TOP1: variants seen among roughly 807,000 people sequenced by gnomAD.
The protein encoded by TOP1 is DNA topoisomerase 1.
TOP1 carries 10 observed loss-of-function variants against 111.1 expected under a neutral mutation model. That is an observed-to-expected ratio of 0.09 (90% CI 0.06 to 0.15). The LOEUF (loss-of-function observed/expected upper bound fraction) is 0.15. Ranked by LOEUF, TOP1 falls within the 10% of genes least tolerant of loss-of-function variation. The pLI is 1.00. For missense variants in TOP1, 474 were observed against 926.7 expected (o/e 0.51, Z 6.34); for synonymous variants, 271 against 302.9 (o/e 0.89, Z 1.10).
At chr20:41,050,234 T>C (rs991885481) in intron 2 of TOP1, among the ~76,000 whole-genome samples, 7 of 152,202 alleles carry the variant, frequency 4.6e-5, no homozygotes, top group Non-Finnish European at 1.0e-4. Context: ...GTCAGGCTGG[T>C]CTTGAACTCC....
intron 3 of TOP1, among the ~76,000 whole-genome samples, chr20:41,064,236 T>G (rs55804152): frequency 0.062 from 9,429 of 152,242 alleles, 969 homozygotes; most frequent in African/African-American, 0.22. Flanking sequence ...TGTGGTTTTA[T>G]TTCTGGGTTC....
At position 41,029,200 on chromosome 20, in the gene TOP1, CA is replaced by C; in HGVS notation, c.33+101del. On this transcript the variant is annotated intron_variant, in intron 1 of 20. Transcript: ENST00000361337. This position sits in a 1 kb window ranked among gnomAD's most constrained non-coding sequence, Gnocchi z 6.1. ...CCCAGCCCCGGCCCGGCAGCTTTGACAGGCCGGAGCCCCCGGTGAGGGGCCG... is the reference window on the plus strand; with the variant it reads ...CCCAGCCCCGGCCCGGCAGCTTTGACGGCCGGAGCCCCCGGTGAGGGGCCG... The C allele has an allele frequency of 2.0e-6, 2 of 1,001,888 alleles. No homozygotes were observed. Among genetic ancestry groups the C allele is most frequent in the Non-Finnish European group, 2.7e-6 (2 of 743,660 alleles). 62.1% of individuals were successfully genotyped at this position (1,001,888 alleles called of 1,614,324 possible).
At chr20:41,056,074 G>A (rs1328527447) in intron 2 of TOP1, among the ~76,000 whole-genome samples, 2 of 152,134 alleles carry the variant, frequency 1.3e-5, no homozygotes, top group East Asian at 1.9e-4. Flanking sequence ...GTCTATCCCC[G>A]TATCCCTTGG....
intron 3 of TOP1, among the ~76,000 whole-genome samples, chr20:41,065,000 G>A (rs1047719442): frequency 6.6e-6 from 1 of 152,038 alleles, no homozygotes; most frequent in Admixed American, 6.6e-5. Flanking sequence ...CACCTCCCAG[G>A]TTCAAGTGAT....
chr20:41,042,333 T>C (rs2033277703), intron 2 of TOP1, among the ~76,000 whole-genome samples: 1 of 152,262 alleles, frequency 6.6e-6, no homozygotes, highest in Non-Finnish European at 1.5e-5. Context: ...ATAGCAGATA[T>C]AGTTAACTGC....
intron 5 of TOP1, 73 bp downstream of exon 5, chr20:41,077,710 T>G: frequency 6.9e-7 from 1 of 1,442,740 alleles, no homozygotes; most frequent in Non-Finnish European, 9.7e-7. Flanking sequence ...GTTGTAGTGT[T>G]GTCTGAGTTA....
In TOP1 at chr20:41,067,019, A is replaced by T. The variant is rs2033616771; in HGVS notation, c.155+5529A>T. 6.6e-6 allele frequency among the ~76,000 whole-genome samples: 1 copy of T among 152,204 alleles called. No homozygotes were observed. The highest frequency in any genetic ancestry group is 2.1e-4 in the South Asian group (1 of 4,832). Reference sequence around the variant, plus strand: ...TAAATTTTAACAGTTTAATCAGATGATCTGTTGTAAGCAAACTTTTAAGTA... The same window carrying T: ...TAAATTTTAACAGTTTAATCAGATGTTCTGTTGTAAGCAAACTTTTAAGTA... On this transcript the variant is annotated intron_variant, in intron 3 of 20. Coordinates refer to ENST00000361337, the MANE Select transcript of TOP1 (RefSeq NM_003286.4). The surrounding 1 kb of genome is among the most constrained non-coding windows in gnomAD (Gnocchi z 4.0).
Position 41,078,335 on chromosome 20 carries a change from A to T in TOP1, c.335+698A>T, listed in dbSNP as rs1198678555. ...GAAACAACTAGATGTTTATTGTTAC[A>T]TATTCTCACTTCACTGAATGACAGA... On this transcript the variant is annotated intron_variant, in intron 5 of 20. Coordinates refer to ENST00000361337, the MANE Select transcript of TOP1 (RefSeq NM_003286.4). The surrounding 1 kb of genome is among the most constrained non-coding windows in gnomAD (Gnocchi z 5.3). Among the ~76,000 whole-genome samples, 1 of 152,210 alleles carries T rather than the reference A, an allele frequency of 6.6e-6. No homozygotes were observed. The highest frequency in any genetic ancestry group is 2.4e-5 in the African/African-American group (1 of 41,466).
chr20:41,056,390 A>G (rs758677923), intron 2 of TOP1, among the ~76,000 whole-genome samples: 1 of 152,240 alleles, frequency 6.6e-6, no homozygotes, highest in Non-Finnish European at 1.5e-5. Context: ...GAGTAAATTT[A>G]TATAATACAA....
Position 41,114,170 on chromosome 20 carries a change from C to T in TOP1, c.1638+15C>T, listed in dbSNP as rs773542882. ...TTGAGAAACGAGTAAGTTAATGTAC[C>T]TGTACTGTCTGACTTGTTTTCCATT... is the stretch of plus-strand genomic sequence containing the variant. On this transcript the variant is annotated intron_variant, in intron 15 of 20. Coordinates refer to ENST00000361337, the MANE Select transcript of TOP1 (RefSeq NM_003286.4). This position sits in a 1 kb window ranked among gnomAD's most constrained non-coding sequence, Gnocchi z 4.5. 1 of 1,595,650 alleles carries T rather than the reference C, an allele frequency of 6.3e-7. No individual in the cohort carries two copies. The highest frequency in any genetic ancestry group is 1.7e-5 in the Admixed American group (1 of 59,028).
chr20:41,093,642 A>T (rs1288115256), intron 9 of TOP1, among the ~76,000 whole-genome samples: 3 of 152,086 alleles, frequency 2.0e-5, no homozygotes, highest in African/African-American at 7.2e-5. Context: ...GAAAAGAAAA[A>T]GTTCTGGGGT....
chr20:41,082,922 C>A lies in TOP1; in HGVS notation c.508-1540C>A, dbSNP rs1023554048. On this transcript the variant is annotated intron_variant, in intron 7 of 20. Transcript: ENST00000361337. This position sits in a 1 kb window ranked among gnomAD's most constrained non-coding sequence, Gnocchi z 4.1. ...ATTGGGAAAAAAGAACAGTTGACTT[C>A]ATTTGTTATTATTCTATTTAGCAGC... 6.6e-6 allele frequency among the ~76,000 whole-genome samples: 1 copy of A among 151,928 alleles called. No individual in the cohort carries two copies. The highest frequency in any genetic ancestry group is 6.6e-5 in the Admixed American group (1 of 15,238).
At chr20:41,077,753 G>C in intron 5 of TOP1, 116 bp downstream of exon 5, 1 of 920,832 alleles carries the variant, frequency 1.1e-6, no homozygotes, top group Non-Finnish European at 1.7e-6. Context: ...CATCTTGATG[G>C]TTCCCAGAAG....
chr20:41,114,164 A>G lies in TOP1; in HGVS notation c.1638+9A>G. ...TCCCTGTTGAGAAACGAGTAAGTTA[A>G]TGTACCTGTACTGTCTGACTTGTTT... On this transcript the variant is annotated intron_variant, in intron 15 of 20. Transcript: ENST00000361337. This position sits in a 1 kb window ranked among gnomAD's most constrained non-coding sequence, Gnocchi z 4.5. 6.2e-7 allele frequency: 1 copy of G among 1,608,280 alleles called. No individual in the cohort carries two copies. The highest frequency in any genetic ancestry group is 8.5e-7 in the Non-Finnish European group (1 of 1,176,196).
chr20:41,084,339 T>C (rs951698719), intron 7 of TOP1, 123 bp from the exon 8 acceptor site: 1 of 513,584 alleles, frequency 1.9e-6, no homozygotes, highest in Non-Finnish European at 3.5e-6. Context: ...AGAGGAGTAC[T>C]AAGATCTTCT....
chr20:41,097,326 T>C lies in TOP1; in HGVS notation c.837T>C (p.Phe279=), dbSNP rs1470237499. The C allele has an allele frequency of 3.1e-6, 5 of 1,613,844 alleles. No homozygotes were observed. The highest frequency in any genetic ancestry group is 4.2e-6 in the Non-Finnish European group (5 of 1,179,854). ...TTKEIFRKNF[F]KDWRKEMTNE... ...AGGAAATATTTAGGAAAAATTTCTTTAAAGACTGGAGAAAGGTACTGTAGC... is the reference window on the plus strand; with the variant it reads ...AGGAAATATTTAGGAAAAATTTCTTCAAAGACTGGAGAAAGGTACTGTAGC... Residue 279 remains phenylalanine, a synonymous_variant, in exon 10 of 21, where the codon TTT becomes TTC. Transcript: ENST00000361337. This position sits in a 1 kb window ranked among gnomAD's most constrained non-coding sequence, Gnocchi z 4.2.
At chr20:41,086,188 G>A (rs2033845768) in intron 8 of TOP1, among the ~76,000 whole-genome samples, 1 of 151,906 alleles carries the variant, frequency 6.6e-6, no homozygotes, top group African/African-American at 2.4e-5. Context: ...GCTTGAACCT[G>A]GGAGGCGGAG....
At chr20:41,037,076 A>G (rs1015769960) in intron 2 of TOP1, among the ~76,000 whole-genome samples, 1 of 151,944 alleles carries the variant, frequency 6.6e-6, no homozygotes, top group Non-Finnish European at 1.5e-5. Flanking sequence ...GTGATCCACC[A>G]GCCTCGGCCT....
intron 2 of TOP1, among the ~76,000 whole-genome samples, chr20:41,052,012 A>C (rs990564662): frequency 2.6e-5 from 4 of 152,208 alleles, no homozygotes; most frequent in Non-Finnish European, 5.9e-5. Flanking sequence ...AAATTCTTTA[A>C]AATCACTGAA....
Sources: gnomAD v4.1 joint callset for allele counts (sites outside exome capture counted in the v4.1 genomes callset) on GRCh38, gnomAD v4.1.1 for gene constraint, Gnocchi (gnomAD v3.1) non-coding constraint, MANE v1.5 for transcripts, NCBI Gene and HGNC (gene_info 2026-07-23, HGNC 2026-07-21) for gene names.